Variants in RASGRF2 observed in about 807,000 individuals in gnomAD.
The protein encoded by RASGRF2 is ras-specific guanine nucleotide-releasing factor 2.
A neutral mutation model predicts 151.0 loss-of-function variants in RASGRF2; 76 were observed. The ratio of observed to expected loss-of-function variants is 0.50; its 90% CI spans 0.42 to 0.61. The LOEUF is 0.61. Among genes scored for constraint, RASGRF2 ranks in the 20% least tolerant of loss-of-function variants. The pLI is 0.00. For missense variants in RASGRF2, 1,148 were observed against 1,564.6 expected (o/e 0.73, Z 4.49); for synonymous variants, 504 against 566.5 (o/e 0.89, Z 1.57).
At chr5:81,183,986 C>T (rs550463705) in intron 18 of RASGRF2, among the ~76,000 whole-genome samples, 1 of 152,360 alleles carries the variant, frequency 6.6e-6, no homozygotes, top group South Asian at 2.1e-4. Flanking sequence ...CCTTGCTTGT[C>T]TCATTCATCT....
intron 1 of RASGRF2, among the ~76,000 whole-genome samples, chr5:80,978,497 A>T (rs1313958605): frequency 1.3e-5 from 2 of 152,146 alleles, no homozygotes; most frequent in Non-Finnish European, 2.9e-5. Flanking sequence ...TTAAAGGGGG[A>T]CAAGGCCAGG....
chr5:81,133,312 T>C (rs1190036971), intron 17 of RASGRF2, among the ~76,000 whole-genome samples: 1 of 152,180 alleles, frequency 6.6e-6, no homozygotes, highest in Non-Finnish European at 1.5e-5. Context: ...CTATACAGGA[T>C]AGGACTGAAA....
At chr5:80,996,223 A>G (rs536578352) in intron 1 of RASGRF2, among the ~76,000 whole-genome samples, 2 of 152,172 alleles carry the variant, frequency 1.3e-5, no homozygotes, top group Non-Finnish European at 2.9e-5. Flanking sequence ...TGCACTTTGT[A>G]GAATATTCTT....
chr5:81,183,329 A>G, intron 18 of RASGRF2: 1 of 977,708 alleles, frequency 1.0e-6, no homozygotes, highest in Middle Eastern at 5.3e-4. Context: ...GGTAACTAAC[A>G]TTGGCAGATA....
chr5:81,019,452 T>G (rs1040443520), intron 1 of RASGRF2: 2 of 152,200 alleles, frequency 1.3e-5, no homozygotes, highest in Non-Finnish European at 2.9e-5. Context: ...ACTTGTGAGG[T>G]TAGGGGTCCC....
chr5:81,073,281 A>G lies in RASGRF2; in HGVS notation c.716A>G (p.Glu239Gly). ...VQDYICSPHAESMRKRNQIVF... is the reference protein window; with the variant it reads ...VQDYICSPHAGSMRKRNQIVF... ...GATTACATTTGTTCTCCTCATGCTG[A>G]AAGTATGAGGAAGAGAAACCAGATT... Residue 239 changes from glutamate (E) to glycine (G), a missense_variant, in exon 5 of 27, where the codon GAA (glutamate) becomes GGA (glycine). By Grantham distance (98) the Glu-to-Gly change is moderately conservative. Around this residue, in one of 5 missense-constraint regions of RASGRF2, gnomAD observed 176 missense variants for 309.6 expected, o/e 0.57. Transcript: ENST00000265080. 1 of 1,613,526 alleles carries G rather than the reference A, an allele frequency of 6.2e-7. No homozygotes were observed. Among genetic ancestry groups the G allele is most frequent in the Non-Finnish European group, 8.5e-7 (1 of 1,179,438 alleles).
chr5:81,038,897 T>G (rs1580239387), intron 1 of RASGRF2, among the ~76,000 whole-genome samples: 1 of 152,166 alleles, frequency 6.6e-6, no homozygotes, highest in African/African-American at 2.4e-5. Context: ...CACTAATTTT[T>G]TTCAGTAAAA....
At chr5:80,978,436 G>A (rs540975548) in intron 1 of RASGRF2, among the ~76,000 whole-genome samples, 13 of 152,284 alleles carry the variant, frequency 8.5e-5, no homozygotes, top group Non-Finnish European at 1.3e-4. Flanking sequence ...AATTGTTGGA[G>A]AATTTTCTTC....
intron 18 of RASGRF2, among the ~76,000 whole-genome samples, chr5:81,191,489 T>C (rs147913487): frequency 6.6e-6 from 1 of 152,212 alleles, no homozygotes; most frequent in Non-Finnish European, 1.5e-5. Flanking sequence ...TATATTAGAG[T>C]TAAACTCAAA....
intron 5 of RASGRF2, among the ~76,000 whole-genome samples, chr5:81,077,163 CAGGGTTCTAA>C (rs1383313179): frequency 6.6e-6 from 1 of 152,076 alleles, no homozygotes; most frequent in Non-Finnish European, 1.5e-5. Flanking sequence ...ATTTTGGAGT[CAGGGTTCTAA>C]AGGCAGTGAA....
In RASGRF2 at chr5:81,112,153, A is replaced by G. The variant is rs532590232; in HGVS notation, c.1839-457A>G. ...TAGCCCTGCCTATGCCTATATGTCT[A>G]TATGTCATATAGACATACACAATCA... On this transcript the variant is annotated intron_variant, in intron 13 of 26. Transcript: ENST00000265080. 4.6e-5 allele frequency among the ~76,000 whole-genome samples: 7 copies of G among 152,308 alleles called. 1 individual carries two copies. In the South Asian group the frequency reaches 1.5e-3, roughly 32 times the overall value.
At chr5:81,023,731 C>A (rs1749911028) in intron 1 of RASGRF2, among the ~76,000 whole-genome samples, 1 of 152,134 alleles carries the variant, frequency 6.6e-6, no homozygotes, top group African/African-American at 2.4e-5. Flanking sequence ...TAATTGGGTT[C>A]CCAAGCAGCA....
At chr5:81,183,383 G>A (rs962992599) in intron 18 of RASGRF2, 1 of 901,924 alleles carries the variant, frequency 1.1e-6, no homozygotes, top group Admixed American at 6.2e-5. Flanking sequence ...TTGCAGAAGT[G>A]TGGGGTTAGG....
chr5:81,123,810 G>C (rs1318075279), intron 16 of RASGRF2, 43 bp downstream of exon 16: 1 of 1,576,464 alleles, frequency 6.3e-7, no homozygotes, highest in Admixed American at 1.8e-5. Context: ...CGTGAAAAAT[G>C]ATTTCTAGCT....
chr5:81,219,756 A>T lies in RASGRF2; in HGVS notation c.3599A>T (p.Tyr1200Phe). The change falls in exon 26 of 27, where the codon TAC (tyrosine) becomes TTC (phenylalanine). Residue 1200 changes from tyrosine to phenylalanine, a missense_variant. Physicochemically the swap from Tyr to Phe is conservative, Grantham distance 22 (BLOSUM62 3). This residue lies in a region of RASGRF2 where 100 missense variants were observed against 148.2 expected (regional missense o/e 0.67). Coordinates refer to ENST00000265080, the MANE Select transcript of RASGRF2 (RefSeq NM_006909.3). ...ATACGCCAGTTCCAGCAGACTTCCTACAGAATAGATCATCAGCCAAAGGTA... is the reference window on the plus strand; with the variant it reads ...ATACGCCAGTTCCAGCAGACTTCCTTCAGAATAGATCATCAGCCAAAGGTA... Reference protein sequence around the residue: ...REIRQFQQTSYRIDHQPKVAQ... With the variant: ...REIRQFQQTSFRIDHQPKVAQ... 1 of 1,609,884 alleles carries T rather than the reference A, an allele frequency of 6.2e-7. No individual in the cohort carries two copies. Among genetic ancestry groups the T allele is most frequent in the Non-Finnish European group, 8.5e-7 (1 of 1,176,230 alleles).
At chr5:81,148,736 A>G (rs1274408369) in intron 17 of RASGRF2, among the ~76,000 whole-genome samples, 2 of 151,824 alleles carry the variant, frequency 1.3e-5, no homozygotes, top group Non-Finnish European at 2.9e-5. Context: ...TGACGAGTTA[A>G]TGGGTGCAGC....
intron 18 of RASGRF2, among the ~76,000 whole-genome samples, chr5:81,188,625 CACTT>C (rs910129241): frequency 6.6e-6 from 1 of 152,172 alleles, no homozygotes; most frequent in African/African-American, 2.4e-5. Flanking sequence ...AATACTGTAT[CACTT>C]ACTTTATATC....
At chr5:81,045,452 T>A (rs151282914) in intron 2 of RASGRF2, among the ~76,000 whole-genome samples, 261 of 152,290 alleles carry the variant, frequency 1.7e-3, no homozygotes, top group African/African-American at 6.0e-3. Flanking sequence ...GGAAACTGAG[T>A]CAGTAATTAT....
rs35987554 is a variant in RASGRF2, at chr5:81,107,196, C to CAAA, written c.1756-1783_1756-1781dup. On this transcript the variant is annotated intron_variant, in intron 12 of 26. Transcript: ENST00000265080. Reference sequence around the variant, plus strand: ...ATAACATAGCACGAACCTGTCTCTACAAAAAAAAAAAAAAAAAAATCTCAC... The same window carrying CAAA: ...ATAACATAGCACGAACCTGTCTCTACAAAAAAAAAAAAAAAAAAAAAATCTCAC... Among the ~76,000 whole-genome samples the CAAA allele has an allele frequency of 1.7e-3, 158 of 94,264 alleles. 3 individuals carry two copies. The highest frequency in any genetic ancestry group is 5.2e-3 in the East Asian group (16 of 3,070). The allele number at this position is 94,264 out of a possible 152,430, so 61.8% of individuals were successfully genotyped here.
Sources: allele counts gnomAD v4.1 joint callset (sites outside exome capture counted in the v4.1 genomes callset), GRCh38; gene constraint gnomAD v4.1.1; regional missense constraint gnomAD v4.1.1; transcripts MANE v1.5; gene names NCBI Gene and HGNC (gene_info 2026-07-23, HGNC 2026-07-21).